The following ST7L variants were observed in gnomAD, a reference collection of about 807,000 sequenced individuals.
ST7L encodes the protein suppression of tumorigenicity 7 like.
A neutral mutation model predicts 72.5 loss-of-function variants in ST7L; 57 were observed. The ratio of observed to expected loss-of-function variants is 0.79; its 90% confidence interval spans 0.64 to 0.98. ST7L has a LOEUF of 0.98. Among genes scored for constraint, ST7L ranks in the 50% least tolerant of loss-of-function variants. The pLI is 0.00. For synonymous variants in ST7L, 221 were observed against 240.9 expected (o/e 0.92, Z 0.77); for missense variants, 576 against 672.2 (o/e 0.86, Z 1.58).
chr1:112,562,315 T>A (rs1660295229), intron 11 of ST7L, among the ~76,000 whole-genome samples: 2 of 152,122 alleles, frequency 1.3e-5, no homozygotes, highest in South Asian at 4.1e-4. Flanking sequence ...AGTTCCAAAC[T>A]ACAGATATGT....
intron 13 of ST7L, among the ~76,000 whole-genome samples, chr1:112,543,729 C>T (rs1656581977): frequency 6.6e-6 from 1 of 151,846 alleles, no homozygotes; most frequent in Non-Finnish European, 1.5e-5. Context: ...ATTAGCCAGG[C>T]ATGGTGACGT....
chr1:112,546,316 C>CAAA (rs57742086), intron 13 of ST7L, among the ~76,000 whole-genome samples: 5 of 91,346 alleles, frequency 5.5e-5, no homozygotes, highest in South Asian at 3.9e-4. Flanking sequence ...AATCCTAACT[C>CAAA]AAAAAAAAAA....
chr1:112,599,081 T>A (rs1200075095), intron 4 of ST7L, among the ~76,000 whole-genome samples: 10,809 of 41,690 alleles, frequency 0.26, 2,013 homozygotes, highest in African/African-American at 0.31. Context: ...AAAATATATA[T>A]ATATATATAT....
chr1:112,596,959 T>G (rs1275976740), intron 5 of ST7L, among the ~76,000 whole-genome samples: 1 of 152,166 alleles, frequency 6.6e-6, no homozygotes, highest in Non-Finnish European at 1.5e-5. Flanking sequence ...CCTCAAAGAA[T>G]AAATATTAAT....
intron 3 of ST7L, among the ~76,000 whole-genome samples, chr1:112,603,023 A>G (rs1285053713): frequency 1.3e-5 from 2 of 151,990 alleles, no homozygotes; most frequent in Non-Finnish European, 2.9e-5. Flanking sequence ...CCCCTGGCAG[A>G]TATTTTCTTA....
intron 11 of ST7L, 74 bp downstream of exon 11, chr1:112,576,912 G>C: frequency 8.8e-7 from 1 of 1,132,278 alleles, no homozygotes; most frequent in Non-Finnish European, 1.3e-6. Context: ...TGGTGACCCA[G>C]ACTCTGGTCT....
chr1:112,541,804 A>C, intron 14 of ST7L, 147 bp downstream of exon 14: 1 of 1,374,152 alleles, frequency 7.3e-7, no homozygotes, highest in Non-Finnish European at 9.4e-7. Flanking sequence ...TGTTTGATGT[A>C]TTTATGGCAG....
intron 11 of ST7L, among the ~76,000 whole-genome samples, chr1:112,560,311 G>A (rs973292809): frequency 1.3e-5 from 2 of 151,054 alleles, no homozygotes; most frequent in Non-Finnish European, 3.0e-5. Context: ...GGAGAATGGC[G>A]TGAGCCCGGG....
intron 14 of ST7L, among the ~76,000 whole-genome samples, chr1:112,536,285 G>A (rs1270386292): frequency 6.6e-6 from 1 of 151,890 alleles, no homozygotes; most frequent in Non-Finnish European, 1.5e-5. Flanking sequence ...GTGGCCCTAG[G>A]AATTTAATAA....
intron 12 of ST7L, 121 bp downstream of exon 12, chr1:112,555,747 T>C (rs2101601790): frequency 3.1e-6 from 3 of 957,738 alleles, no homozygotes; most frequent in Non-Finnish European, 4.4e-6. Context: ...TAATTTCCAT[T>C]TGAAACCAAT....
intron 1 of ST7L, chr1:112,618,691 G>C (rs1422400711): frequency 3.2e-5 from 32 of 984,862 alleles, no homozygotes; most frequent in Non-Finnish European, 4.6e-5. Flanking sequence ...ATAAGAGAGA[G>C]GGCGGACCTT....
chr1:112,589,702 A>G (rs1431841414), intron 6 of ST7L, among the ~76,000 whole-genome samples: 2 of 152,238 alleles, frequency 1.3e-5, no homozygotes, highest in Non-Finnish European at 2.9e-5. Context: ...AACAAAACAC[A>G]AAAAGCAAAA....
At chr1:112,599,073 A>AAAAATATATATATATAT (rs1190968815) in intron 4 of ST7L, among the ~76,000 whole-genome samples, 1 of 57,002 alleles carries the variant, frequency 1.8e-5, no homozygotes, top group Non-Finnish European at 3.1e-5. Context: ...AAAAAAAAAA[A>AAAAATATATATATATAT]ATATATATAT....
At chr1:112,529,752 AAAAAAAAAAAAAAAAAAAAAG>A (rs1654065488) in intron 14 of ST7L, 1 of 123,572 alleles carries the variant, frequency 8.1e-6, no homozygotes, top group Non-Finnish European at 1.7e-5. Flanking sequence ...GATAAAAGTT[AAAAAAAAAAAAAAAAAAAAAG>A]GTAACTATGC....
chr1:112,540,126 T>C (rs1655869900), intron 14 of ST7L: 1 of 985,476 alleles, frequency 1.0e-6, no homozygotes, highest in Non-Finnish European at 1.2e-6. Context: ...AAACATTAAT[T>C]GTAGCTTGCA....
chr1:112,594,994 AATG>A (rs1416755467), intron 5 of ST7L, among the ~76,000 whole-genome samples: 1 of 152,226 alleles, frequency 6.6e-6, no homozygotes, highest in African/African-American at 2.4e-5. Context: ...AGCATGAAAT[AATG>A]ATAATAAAAT....
intron 7 of ST7L, among the ~76,000 whole-genome samples, chr1:112,583,447 T>C (rs142103290): frequency 6.6e-6 from 1 of 152,230 alleles, no homozygotes; most frequent in Non-Finnish European, 1.5e-5. Flanking sequence ...CTCAAGCACA[T>C]CATGGAGAAA....
chr1:112,581,270 T>G (rs921741006), intron 9 of ST7L, among the ~76,000 whole-genome samples: 1 of 152,182 alleles, frequency 6.6e-6, no homozygotes, highest in Admixed American at 6.6e-5. Context: ...GTACCCCTAC[T>G]ATGTGCACAG....
At chr1:112,571,394 T>C (rs1173059700) in intron 11 of ST7L, 1 of 439,620 alleles carries the variant, frequency 2.3e-6, no homozygotes, top group Non-Finnish European at 4.5e-6. Context: ...TGTATATGTG[T>C]GTATGTATAT....
Sources: gnomAD v4.1 joint callset for allele counts (sites outside exome capture counted in the v4.1 genomes callset) on GRCh38, gnomAD v4.1.1 for gene constraint, MANE v1.5 for transcripts, NCBI Gene and HGNC (gene_info 2026-07-23, HGNC 2026-07-21) for gene names.